FOCAD: variants seen among roughly 807,000 people sequenced by gnomAD.
The protein encoded by FOCAD is focadhesin.
A neutral mutation model predicts 225.6 loss-of-function variants in FOCAD; 198 were observed. The observed-to-expected ratio is 0.88, with a 90% confidence interval of 0.78 to 0.99. FOCAD has a LOEUF of 0.99. Among genes scored for constraint, FOCAD ranks in the 50% least tolerant of loss-of-function variants. FOCAD has a pLI of 0.00. For synonymous variants in FOCAD, 897 were observed against 755.0 expected, an observed-to-expected ratio of 1.19 and a Z score of -3.08; for missense variants, 2,713 against 2,123.6, an observed-to-expected ratio of 1.28 and a Z score of -5.46.
At chr9:20,788,103 G>C (rs1820119694) in intron 10 of FOCAD, among the ~76,000 whole-genome samples, 1 of 152,088 alleles carries the variant, frequency 6.6e-6, no homozygotes, top group Non-Finnish European at 1.5e-5. Context: ...AAACAATATA[G>C]TGTATCCATA....
rs200955578 is a variant in FOCAD, at chr9:20,907,232, C to A, written c.2708C>A (p.Ala903Asp). Reference sequence around the variant, plus strand: ...GCATACATGAATCGAGCTTATCATGCCATTTTACAGGTAATGAAACCACAG... The same window carrying A: ...GCATACATGAATCGAGCTTATCATGACATTTTACAGGTAATGAAACCACAG... ...WLAYMNRAYH[A>D]ILQGRLGELE... The change falls in exon 22 of 44, where the codon GCC (alanine) becomes GAC (aspartate). Residue 903 changes from alanine (A) to aspartate (D), a missense_variant. By Grantham distance (126) the Ala-to-Asp change is moderately radical. Coordinates refer to ENST00000338382, the MANE Select transcript of FOCAD (RefSeq NM_001375567.1). 7 of 1,612,678 alleles carry A rather than the reference C, an allele frequency of 4.3e-6. No homozygotes were observed. The highest frequency in any genetic ancestry group is 5.9e-6 in the Non-Finnish European group (7 of 1,179,172).
At chr9:20,688,124 G>T (rs907194916) in intron 1 of FOCAD, among the ~76,000 whole-genome samples, 3 of 152,200 alleles carry the variant, frequency 2.0e-5, no homozygotes, top group Non-Finnish European at 4.4e-5. Context: ...CACCGTGTTA[G>T]CCATTTTGAG....
At chr9:20,791,015 C>T (rs1050528835) in intron 11 of FOCAD, among the ~76,000 whole-genome samples, 4 of 152,096 alleles carry the variant, frequency 2.6e-5, no homozygotes, top group African/African-American at 9.7e-5. Context: ...CTTTATCTCT[C>T]CTTTTATTTC....
rs372296351 is a variant in FOCAD, at chr9:20,899,657, A to G, written c.2626-7493A>G. Among the ~76,000 whole-genome samples the G allele has an allele frequency of 1.4e-4, 21 of 152,070 alleles. 1 individual carries two copies. In the East Asian group the frequency reaches 3.9e-3, roughly 28 times the overall value. ...TTGAAATGTATTTTGTTTTGTGTTC[A>G]TTGTTGATACTTCTTGAGCTACATG... On this transcript the variant is annotated intron_variant, in intron 21 of 43. Coordinates refer to ENST00000338382, the MANE Select transcript of FOCAD (RefSeq NM_001375567.1).
rs373780524 is a variant in FOCAD, at chr9:20,660,975, C to T, written c.-78+2149C>T. On this transcript the variant is annotated intron_variant, in intron 2 of 45. Transcript: ENST00000380249. ...TTAAAATGGAGTGGTTGAACATGTTCATAGACCACGGGAAAGGAGTCAGCA... is the reference window on the plus strand; with the variant it reads ...TTAAAATGGAGTGGTTGAACATGTTTATAGACCACGGGAAAGGAGTCAGCA... Among the ~76,000 whole-genome samples the T allele has an allele frequency of 4.7e-4, 72 of 152,174 alleles. 4 individuals carry two copies. In the South Asian group the frequency reaches 0.013, roughly 27 times the overall value.
chr9:20,673,131 G>C (rs905275155), intron 2 of FOCAD, among the ~76,000 whole-genome samples: 3 of 152,208 alleles, frequency 2.0e-5, no homozygotes, highest in Non-Finnish European at 4.4e-5. Flanking sequence ...ATTTTGGCCA[G>C]TATAGACAGA....
intron 10 of FOCAD, among the ~76,000 whole-genome samples, chr9:20,783,934 T>G (rs900165306): frequency 2.0e-5 from 3 of 152,166 alleles, no homozygotes; most frequent in African/African-American, 7.2e-5. Context: ...AAGAGGTGTT[T>G]AGTTATAAAA....
At chr9:20,747,876 G>T (rs1828191872) in intron 5 of FOCAD, among the ~76,000 whole-genome samples, 1 of 147,964 alleles carries the variant, frequency 6.8e-6, no homozygotes. Flanking sequence ...CTTTTTGTAA[G>T]TTATTGAAAA....
chr9:20,787,523 T>C (rs1820046703), intron 10 of FOCAD, among the ~76,000 whole-genome samples: 2 of 152,348 alleles, frequency 1.3e-5, no homozygotes, highest in East Asian at 1.9e-4. Flanking sequence ...AATGAATTTC[T>C]TCTTCATGGG....
rs146908112 is a variant in FOCAD, at chr9:20,874,715, A to T, written c.2225A>T (p.Asp742Val). The change falls in exon 19 of 44, where the codon GAT (aspartate) becomes GTT (valine). Residue 742 changes from aspartate to valine, a missense_variant. Asp to Val is a radical substitution (Grantham distance 152). Coordinates refer to ENST00000338382, the MANE Select transcript of FOCAD (RefSeq NM_001375567.1). ...GAAATTCCCATTCCTGAAGAGTTAG[A>T]TGACGATGAAGATGTTGAGGATGTG... Reference protein sequence around the residue: ...RPEIPIPEELDDDEDVEDVDL... With the variant: ...RPEIPIPEELVDDEDVEDVDL... 63 of 1,613,480 alleles carry T rather than the reference A, an allele frequency of 3.9e-5. No homozygotes were observed. The African/African-American group carries it at 5.9e-4, about 15-fold the overall frequency.
intron 19 of FOCAD, among the ~76,000 whole-genome samples, chr9:20,878,233 G>A (rs919811382): frequency 6.6e-6 from 1 of 152,150 alleles, no homozygotes; most frequent in Non-Finnish European, 1.5e-5. Context: ...ATAGCAAGTT[G>A]GCACTATGTG....
intron 1 of FOCAD, among the ~76,000 whole-genome samples, chr9:20,704,248 C>G (rs1453462630): frequency 6.6e-6 from 1 of 152,124 alleles, no homozygotes; most frequent in Non-Finnish European, 1.5e-5. Context: ...TGTCCATTTT[C>G]GTGTATGCAC....
chr9:20,815,071 G>C (rs1340762464), intron 11 of FOCAD, among the ~76,000 whole-genome samples: 1 of 146,268 alleles, frequency 6.8e-6, no homozygotes, highest in Admixed American at 6.9e-5. Context: ...ATGTTTAGTG[G>C]TGATGAACTC....
intron 7 of FOCAD, 24 bp from the exon 8 acceptor site, chr9:20,770,008 T>C (rs1269767178): frequency 6.3e-7 from 1 of 1,585,028 alleles, no homozygotes; most frequent in African/African-American, 1.3e-5. Context: ...TTTTTTAATA[T>C]CATATAATGA....
chr9:20,769,363 T>G (rs1015477916), intron 7 of FOCAD, among the ~76,000 whole-genome samples: 20 of 152,192 alleles, frequency 1.3e-4, no homozygotes, highest in Admixed American at 3.3e-4. Flanking sequence ...GTTTGTAATC[T>G]CTGGGAAATG....
upstream of FOCAD, among the ~76,000 whole-genome samples, chr9:20,680,937 G>A (rs747666996): frequency 1.6e-4 from 24 of 152,178 alleles, no homozygotes; most frequent in Non-Finnish European, 3.4e-4. Context: ...AGGTGAGGCT[G>A]CAGTGAGCTA....
rs752479699 is a variant in FOCAD at position 20,944,757 on chromosome 9, A to G, written c.3538A>G (p.Ser1180Gly). 1.5e-5 allele frequency: 24 copies of G among 1,612,944 alleles called. No homozygotes were observed. In the East Asian group the frequency reaches 4.7e-4, roughly 31 times the overall value. Reference sequence around the variant, plus strand: ...GCACGTAGATGACAGCGGGAGCCAGAGCAGAACGTTTCAGGAGGTAAGAGA... The same window carrying G: ...GCACGTAGATGACAGCGGGAGCCAGGGCAGAACGTTTCAGGAGGTAAGAGA... ...SAHVDDSGSQ[S>G]RTFQEVLAYT... Residue 1180 changes from serine to glycine, a missense_variant, in exon 29 of 44, where the codon AGC (serine) becomes GGC (glycine). Physicochemically the swap from Ser to Gly is moderately conservative, Grantham distance 56. Coordinates refer to ENST00000338382, the MANE Select transcript of FOCAD (RefSeq NM_001375567.1).
intron 15 of FOCAD, among the ~76,000 whole-genome samples, chr9:20,843,458 G>A (rs1826755831): frequency 6.6e-6 from 1 of 152,002 alleles, no homozygotes; most frequent in East Asian, 1.9e-4. Context: ...TTTCCACAGA[G>A]AGTCTGCTGC....
chr9:20,783,384 T>C (rs954758392), intron 10 of FOCAD, among the ~76,000 whole-genome samples: 2 of 152,110 alleles, frequency 1.3e-5, no homozygotes, highest in Admixed American at 1.3e-4. Flanking sequence ...CTGTTGGCTT[T>C]TTTTTTTCCT....
Sources: allele counts gnomAD v4.1 joint callset (sites outside exome capture counted in the v4.1 genomes callset), GRCh38; gene constraint gnomAD v4.1.1; transcripts MANE v1.5; gene names NCBI Gene and HGNC (gene_info 2026-07-23, HGNC 2026-07-21).